ADAMTS7: variants seen among roughly 807,000 people sequenced by gnomAD.
ADAMTS7 encodes A disintegrin and metalloproteinase with thrombospondin motifs 7.
In ADAMTS7, 89 loss-of-function variants were observed where a neutral mutation model predicts 172.6. That is an observed-to-expected ratio of 0.52 (90% confidence interval 0.43 to 0.61). The LOEUF (loss-of-function observed/expected upper bound fraction) is 0.61, where lower values mean the gene tolerates loss of function less well. Ranked by LOEUF, ADAMTS7 falls within the 20% of genes least tolerant of loss-of-function variation. ADAMTS7 has a pLI of 0.00. For synonymous variants in ADAMTS7, 885 were observed against 978.4 expected, an observed-to-expected ratio of 0.90 and a Z score of 1.78; for missense variants, 1,973 against 2,355.6, an observed-to-expected ratio of 0.84 and a Z score of 3.36.
At chr15:78,800,993 G>A (rs1174703548) in intron 1 of ADAMTS7, among the ~76,000 whole-genome samples, 3 of 151,982 alleles carry the variant, frequency 2.0e-5, no homozygotes, top group Non-Finnish European at 4.4e-5. Flanking sequence ...CGCTCGCCTC[G>A]GCCTCCCAAA....
At chr15:78,787,654 ACT>A (rs1330889918) in intron 8 of ADAMTS7, among the ~76,000 whole-genome samples, 3 of 152,090 alleles carry the variant, frequency 2.0e-5, no homozygotes, top group African/African-American at 7.2e-5. Flanking sequence ...ACACAGCGAG[ACT>A]CTGTCTCAAA....
chr15:78,787,635 G>A (rs569959183), intron 8 of ADAMTS7, among the ~76,000 whole-genome samples: 1 of 152,218 alleles, frequency 6.6e-6, no homozygotes, highest in East Asian at 1.9e-4. Flanking sequence ...TTGCATTCCA[G>A]CCTGGGCAAC....
intron 3 of ADAMTS7, 42 bp downstream of exon 3, chr15:78,797,906 A>T (rs369844856): frequency 6.2e-5 from 98 of 1,573,504 alleles, no homozygotes; most frequent in Non-Finnish European, 8.2e-5. Context: ...TCATGTCCCC[A>T]GGCCCAGCAC....
chr15:78,763,835 G>A lies in ADAMTS7; in HGVS notation c.4604C>T (p.Ala1535Val), dbSNP rs777806197. 1.3e-6 allele frequency: 2 copies of A among 1,582,986 alleles called. No individual in the cohort carries two copies. Among genetic ancestry groups the A allele is most frequent in the Non-Finnish European group, 1.7e-6 (2 of 1,168,052 alleles). Residue 1535 changes from alanine to valine, a missense_variant, in exon 22 of 24, where the codon GCC becomes GTC. Physicochemically the swap from Ala to Val is moderately conservative, Grantham distance 64. Coordinates refer to ENST00000388820, the MANE Select transcript of ADAMTS7 (RefSeq NM_014272.5). Reference protein sequence around the residue: ...YTSSWRECSEACGGGEQQRLV... With the variant: ...YTSSWRECSEVCGGGEQQRLV... The stretch of plus-strand genomic sequence containing the variant: ...ACGCTGCTGCTCACCACCGCCACAG[G>A]CCTCGGAGCACTGGGTGGGCAGGGA...
Position 78,763,916 on chromosome 15 carries a change from C to T in ADAMTS7, c.4593+10G>A. 6.4e-7 allele frequency: 1 copy of T among 1,552,856 alleles called. No homozygotes were observed. Among genetic ancestry groups the T allele is most frequent in the Admixed American group, 1.9e-5 (1 of 52,334 alleles). ...CGTCCCCTCCCCCCAACTCAACGGC[C>T]AGGCCTCACCTCCCTCCAGGAAGAT... On this transcript the variant is annotated intron_variant, in intron 21 of 23. Coordinates refer to ENST00000388820, the MANE Select transcript of ADAMTS7 (RefSeq NM_014272.5).
chr15:78,759,847 C>T (rs1425076824), intron 23 of ADAMTS7, among the ~76,000 whole-genome samples: 2 of 152,322 alleles, frequency 1.3e-5, no homozygotes, highest in Admixed American at 1.3e-4. Context: ...CCCTGACCCC[C>T]TCACATGCCT....
intron 2 of ADAMTS7, 152 bp from the exon 3 acceptor site, chr15:78,798,265 C>T: frequency 1.5e-6 from 1 of 671,482 alleles, no homozygotes; most frequent in Non-Finnish European, 2.3e-6. Context: ...CCCGCTGGGC[C>T]TTTGCTCACT....
intron 8 of ADAMTS7, 100 bp downstream of exon 8, chr15:78,788,131 T>C: frequency 2.7e-6 from 4 of 1,498,030 alleles, no homozygotes; most frequent in Non-Finnish European, 3.6e-6. Flanking sequence ...GCCCCTCTGC[T>C]TCCCTCTACC....
At chr15:78,762,192 C>G in intron 23 of ADAMTS7, 2 of 768,926 alleles carry the variant, frequency 2.6e-6, no homozygotes, top group South Asian at 1.2e-4. Context: ...GTTGTGTGGC[C>G]GGGACTCCCC....
intron 7 of ADAMTS7, 53 bp downstream of exon 7, chr15:78,789,636 G>T (rs1596193335): frequency 6.2e-7 from 1 of 1,602,188 alleles, no homozygotes; most frequent in Non-Finnish European, 8.5e-7. Context: ...GTGCCCCCAG[G>T]CTGCGAGGGT....
At position 78,764,642 on chromosome 15, in the gene ADAMTS7, C is replaced by T. The variant is rs1596171631; in HGVS notation, c.4332G>A (p.Glu1444=). 6.4e-7 allele frequency: 1 copy of T among 1,569,912 alleles called. No individual in the cohort carries two copies. Among genetic ancestry groups the T allele is most frequent in the Non-Finnish European group, 8.6e-7 (1 of 1,166,884 alleles). Reference sequence around the variant, plus strand: ...GGGGCCGGCCAGCGGGGGCGCAGTCCTCATCCCGGCCGGAGCTACAGCGCA... The same window carrying T: ...GGGGCCGGCCAGCGGGGGCGCAGTCTTCATCCCGGCCGGAGCTACAGCGCA... ...RPVRCSSGRD[E]DCAPAGRPQP... is the part of the protein sequence containing the mutation. The change falls in exon 20 of 24, where the codon GAG becomes GAA. Residue 1444 remains glutamate (E), a synonymous_variant. Coordinates refer to ENST00000388820, the MANE Select transcript of ADAMTS7 (RefSeq NM_014272.5).
Position 78,771,964 on chromosome 15 carries a change from G to A in ADAMTS7, c.2132-135C>T. 1 of 1,335,822 alleles carries A rather than the reference G, an allele frequency of 7.5e-7. No homozygotes were observed. Among genetic ancestry groups the A allele is most frequent in the South Asian group, 1.5e-5 (1 of 67,896 alleles). The allele number at this position is 1,335,822 out of a possible 1,614,324, so 82.7% of individuals were successfully genotyped here. On this transcript the variant is annotated intron_variant, in intron 14 of 23. Coordinates refer to ENST00000388820, the MANE Select transcript of ADAMTS7 (RefSeq NM_014272.5). The surrounding 1 kb of genome is among the most constrained non-coding windows in gnomAD (Gnocchi z 4.9). ...CTTTAAAGTCTGAGCTCCCTAAATTGCTCGGATCTGTCATGGGTCACCAAA... is the reference window on the plus strand; with the variant it reads ...CTTTAAAGTCTGAGCTCCCTAAATTACTCGGATCTGTCATGGGTCACCAAA...
In ADAMTS7 at chr15:78,774,345, A is replaced by G. The variant is rs775131744; in HGVS notation, c.1877-45T>C. 18 of 1,511,706 alleles carry G rather than the reference A, an allele frequency of 1.2e-5. No homozygotes were observed. In the Admixed American group the frequency reaches 3.7e-4, roughly 31 times the overall value. 93.6% of individuals were successfully genotyped at this position (1,511,706 alleles called of 1,614,324 possible). On this transcript the variant is annotated intron_variant, in intron 12 of 23. Coordinates refer to ENST00000388820, the MANE Select transcript of ADAMTS7 (RefSeq NM_014272.5). ...AGTCATCAGCAACAGCTGGGGCGGG[A>G]GTATGGAGGCCACCAGGAAGACCCC...
At chr15:78,788,490 C>T in intron 7 of ADAMTS7, 116 bp from the exon 8 acceptor site, 3 of 1,246,904 alleles carry the variant, frequency 2.4e-6, no homozygotes, top group Non-Finnish European at 3.3e-6. Flanking sequence ...TTCTGCCACC[C>T]AATGGCTGCA....
At chr15:78,809,576 T>G (rs1016093981) in intron 1 of ADAMTS7, among the ~76,000 whole-genome samples, 2 of 152,218 alleles carry the variant, frequency 1.3e-5, no homozygotes, top group Admixed American at 1.3e-4. Context: ...CACTGTGTCC[T>G]GCCTGAGCAA....
Position 78,763,697 on chromosome 15 carries a change from A to G in ADAMTS7, c.4740+2T>C, listed in dbSNP as rs773063450. 7.2e-6 allele frequency: 11 copies of G among 1,530,732 alleles called. No homozygotes were observed. The highest frequency in any genetic ancestry group is 4.0e-5 in the Admixed American group (2 of 50,448). The allele number at this position is 1,530,732 out of a possible 1,614,324, so 94.8% of individuals were successfully genotyped here. Reference sequence around the variant, plus strand: ...CCTGCTCCTCCCCGCAGCCCGGCTCACCTGGCCCCAGGGCCCCACCACCCA... The same window carrying G: ...CCTGCTCCTCCCCGCAGCCCGGCTCGCCTGGCCCCAGGGCCCCACCACCCA... On this transcript the variant is annotated splice_donor_variant, in intron 22 of 23. Transcript: ENST00000388820. LOFTEE classifies it high-confidence loss of function.
chr15:78,776,688 G>T, intron 10 of ADAMTS7, 61 bp downstream of exon 10: 1 of 1,470,962 alleles, frequency 6.8e-7, no homozygotes, highest in Non-Finnish European at 9.3e-7. Context: ...CCCAGGGCCT[G>T]GTCACAGCAG....
At chr15:78,769,033 C>T (rs933619098) in intron 16 of ADAMTS7, among the ~76,000 whole-genome samples, 10 of 152,126 alleles carry the variant, frequency 6.6e-5, no homozygotes, top group Non-Finnish European at 1.5e-4. Context: ...GCCTTCAGGG[C>T]CCAGTGTGTC....
Position 78,799,520 on chromosome 15 carries a change from A to G in ADAMTS7, c.456+672T>C, listed in dbSNP as rs1596199428. Among the ~76,000 whole-genome samples, 5 of 130,650 alleles carry G rather than the reference A, an allele frequency of 3.8e-5. 2 individuals are homozygous for G. In the South Asian group the frequency reaches 1.3e-3, roughly 33 times the overall value. The allele number at this position is 130,650 out of a possible 152,430, so 85.7% of individuals were successfully genotyped here. On this transcript the variant is annotated intron_variant, in intron 2 of 23. Coordinates refer to ENST00000388820, the MANE Select transcript of ADAMTS7 (RefSeq NM_014272.5). Reference sequence around the variant, plus strand: ...GCAGAGGGGCTGAAAGGGGTTCCTCACCACACCCTGCATAATGGCTACAGG... The same window carrying G: ...GCAGAGGGGCTGAAAGGGGTTCCTCGCCACACCCTGCATAATGGCTACAGG...
Sources: gnomAD v4.1 joint callset for allele counts (sites outside exome capture counted in the v4.1 genomes callset) on GRCh38, gnomAD v4.1.1 for gene constraint, Gnocchi (gnomAD v3.1) non-coding constraint, MANE v1.5 for transcripts, NCBI Gene and HGNC (gene_info 2026-07-23, HGNC 2026-07-21) for gene names.